Variants in STK32B observed in about 807,000 individuals in gnomAD.
STK32B encodes the protein serine/threonine-protein kinase 32B.
In STK32B, 43 loss-of-function variants were observed where a neutral mutation model predicts 52.6. The ratio of observed to expected loss-of-function variants is 0.82; its 90% CI spans 0.64 to 1.05. The LOEUF (loss-of-function observed/expected upper bound fraction) is 1.05, where lower values mean the gene tolerates loss of function less well. STK32B is among the 50% of genes least tolerant of loss of function. STK32B has a pLI of 0.00. For missense variants in STK32B, 621 were observed against 534.6 expected (o/e 1.16, Z -1.59); for synonymous variants, 238 against 204.3 (o/e 1.17, Z -1.41).
rs73794589 is a variant in STK32B, at chr4:5,379,137, T to G, written c.435-19070T>G. Among the ~76,000 whole-genome samples, 145 of 152,266 alleles carry G rather than the reference T, an allele frequency of 9.5e-4. 1 individual carries two copies. The highest frequency in any genetic ancestry group is 3.4e-3 in the African/African-American group (143 of 41,542). On this transcript the variant is annotated intron_variant, in intron 4 of 11. Coordinates refer to ENST00000282908, the MANE Select transcript of STK32B (RefSeq NM_018401.3). ...TCAGTGATAATGATGAGGTTGGTAG[T>G]AGCGAATGACTGGGCATCTACTGTA...
At chr4:5,434,165 C>T (rs1165315243) in intron 6 of STK32B, among the ~76,000 whole-genome samples, 2 of 152,176 alleles carry the variant, frequency 1.3e-5, no homozygotes, top group Admixed American at 1.3e-4. Context: ...ATAAAGCATG[C>T]ACCATGCACC....
intron 8 of STK32B, 45 bp downstream of exon 8, chr4:5,456,968 A>G: frequency 7.1e-7 from 1 of 1,413,448 alleles, no homozygotes; most frequent in Non-Finnish European, 9.5e-7. Context: ...AGCTACGGTG[A>G]GTGTAGAAAC....
At chr4:5,354,934 G>A (rs759101557) in intron 4 of STK32B, among the ~76,000 whole-genome samples, 2 of 152,152 alleles carry the variant, frequency 1.3e-5, no homozygotes, top group Non-Finnish European at 1.5e-5. Flanking sequence ...ACCTTAATCC[G>A]CTGTAGCTGG....
intron 3 of STK32B, among the ~76,000 whole-genome samples, chr4:5,288,428 C>T (rs1156975309): frequency 6.6e-6 from 1 of 152,260 alleles, no homozygotes; most frequent in Non-Finnish European, 1.5e-5. Flanking sequence ...TTTTTACCAT[C>T]TTAGTGGGTA....
At chr4:5,404,063 G>A (rs181749224) in intron 5 of STK32B, among the ~76,000 whole-genome samples, 20 of 152,118 alleles carry the variant, frequency 1.3e-4, no homozygotes, top group African/African-American at 4.1e-4. Flanking sequence ...GCCAGGGGAG[G>A]GTATTAAAGT....
At position 5,090,163 on chromosome 4, in the gene STK32B, C is replaced by A. The variant is rs55772117; in HGVS notation, c.52+38248C>A. On this transcript the variant is annotated intron_variant, in intron 1 of 11. Transcript: ENST00000282908. ...AATTTTCTTCCATTCTATAGGTTGC[C>A]TGTTCACTCTGATGCTAGTTTCTTT... 5.7e-3 allele frequency among the ~76,000 whole-genome samples: 794 copies of A among 139,216 alleles called. 7 individuals are homozygous for A. Among genetic ancestry groups the A allele is most frequent in the African/African-American group, 0.022 (755 of 34,466 alleles). The allele number at this position is 139,216 out of a possible 152,430, so 91.3% of individuals were successfully genotyped here. A position where few individuals can be genotyped will look rare whatever the true frequency, so the allele number is the denominator to read the frequency against.
intron 2 of STK32B, among the ~76,000 whole-genome samples, chr4:5,144,321 A>T (rs983912769): frequency 2.0e-5 from 3 of 152,236 alleles, no homozygotes; most frequent in Non-Finnish European, 4.4e-5. Flanking sequence ...ATGAGATGGT[A>T]TAGTAGAGTG....
At chr4:5,028,958 C>T in the STK32B span, among the ~76,000 whole-genome samples, 1 of 152,164 alleles carries the variant, frequency 6.6e-6, no homozygotes, top group African/African-American at 2.4e-5. Flanking sequence ...CATCGCATGG[C>T]CGGAACAAGA....
At chr4:5,466,264 C>T (rs1331801339) in intron 9 of STK32B, among the ~76,000 whole-genome samples, 4 of 152,158 alleles carry the variant, frequency 2.6e-5, no homozygotes, top group East Asian at 1.9e-4. Context: ...GGCGGGGGTA[C>T]GGAGCAGGGA....
the STK32B span, among the ~76,000 whole-genome samples, chr4:5,026,531 C>T: frequency 6.6e-6 from 1 of 152,204 alleles, no homozygotes; most frequent in Non-Finnish European, 1.5e-5. Flanking sequence ...CACTCACCAT[C>T]ATGAGAACAG....
At chr4:5,482,572 T>C (rs986121238) in intron 11 of STK32B, among the ~76,000 whole-genome samples, 2 of 152,134 alleles carry the variant, frequency 1.3e-5, no homozygotes, top group African/African-American at 4.8e-5. Context: ...TTGAATACCC[T>C]TTTATTTCTT....
chr4:5,046,663 A>C (rs1158447479), upstream of STK32B, among the ~76,000 whole-genome samples: 3 of 152,198 alleles, frequency 2.0e-5, no homozygotes, highest in Middle Eastern at 3.2e-3. Flanking sequence ...ACAACCACAT[A>C]AAAACTGGGC....
At chr4:5,077,143 A>G (rs1016213947) in intron 1 of STK32B, among the ~76,000 whole-genome samples, 1 of 152,192 alleles carries the variant, frequency 6.6e-6, no homozygotes, top group Non-Finnish European at 1.5e-5. Context: ...CAGCAACTAG[A>G]AAACTGTGTG....
chr4:5,253,172 C>T (rs1726058156), intron 3 of STK32B, among the ~76,000 whole-genome samples: 1 of 152,064 alleles, frequency 6.6e-6, no homozygotes, highest in South Asian at 2.1e-4. Flanking sequence ...GATCCACATG[C>T]TCTGTTGCTT....
At chr4:5,495,647 G>C (rs947297411) in intron 11 of STK32B, among the ~76,000 whole-genome samples, 1 of 152,118 alleles carries the variant, frequency 6.6e-6, no homozygotes, top group South Asian at 2.1e-4. Context: ...AGGAGGAGAG[G>C]CACTCTGCTT....
chr4:5,223,462 C>T (rs1347142942), intron 3 of STK32B, among the ~76,000 whole-genome samples: 2 of 152,064 alleles, frequency 1.3e-5, no homozygotes, highest in Non-Finnish European at 2.9e-5. Flanking sequence ...CCCAGCAAAG[C>T]TATGGGGGTG....
chr4:5,274,778 G>A (rs912027017), intron 3 of STK32B, among the ~76,000 whole-genome samples: 1 of 152,034 alleles, frequency 6.6e-6, no homozygotes, highest in African/African-American at 2.4e-5. Flanking sequence ...TACGGCTCGA[G>A]CTGAGCTTTC....
intron 1 of STK32B, among the ~76,000 whole-genome samples, chr4:5,127,310 G>A (rs1474997851): frequency 6.6e-6 from 1 of 152,170 alleles, no homozygotes; most frequent in Non-Finnish European, 1.5e-5. Context: ...AATCTTTCCT[G>A]GTGAGGTTCA....
chr4:5,345,038 A>G (rs1733356352), intron 4 of STK32B, among the ~76,000 whole-genome samples: 1 of 151,850 alleles, frequency 6.6e-6, no homozygotes, highest in Admixed American at 6.6e-5. Context: ...AAAAAGATTA[A>G]ATAATATAAT....
Sources: allele counts gnomAD v4.1 joint callset (sites outside exome capture counted in the v4.1 genomes callset), GRCh38; gene constraint gnomAD v4.1.1; transcripts MANE v1.5; gene names NCBI Gene and HGNC (gene_info 2026-07-23, HGNC 2026-07-21).